Variants in ASTN2 observed in about 807,000 individuals in gnomAD.
ASTN2 encodes the protein astrotactin 2.
A neutral mutation model predicts 139.8 loss-of-function variants in ASTN2; 54 were observed. The ratio of observed to expected loss-of-function variants is 0.39; its 90% confidence interval spans 0.31 to 0.48. The LOEUF is 0.48. Ranked by LOEUF, ASTN2 falls within the 20% of genes least tolerant of loss-of-function variation. ASTN2 has a pLI of 0.95. For missense variants in ASTN2, 1,565 were observed against 1,725.1 expected (o/e 0.91, Z 1.64); for synonymous variants, 756 against 719.5 (o/e 1.05, Z -0.81).
chr9:117,305,315 T>C (rs904323717), intron 1 of ASTN2, among the ~76,000 whole-genome samples: 7 of 152,168 alleles, frequency 4.6e-5, no homozygotes, highest in African/African-American at 1.7e-4. Flanking sequence ...GAACTTTAAA[T>C]AGAATGTTCC....
At position 117,226,337 on chromosome 9, in the gene ASTN2, C is replaced by A. The variant is rs777679183; in HGVS notation, c.631-11595G>T. The stretch of plus-strand genomic sequence containing the variant: ...GATAGGCTACTAAATTTCTCTGATC[C>A]TCATCTTTCTCATCTTAATGAGACT... On this transcript the variant is annotated intron_variant, in intron 2 of 22. Coordinates refer to ENST00000313400, the MANE Select transcript of ASTN2 (RefSeq NM_001365068.1). 1.8e-4 allele frequency among the ~76,000 whole-genome samples: 28 copies of A among 152,250 alleles called. No individual in the cohort carries two copies. In the South Asian group the frequency reaches 2.7e-3, roughly 15 times the overall value.
intron 19 of ASTN2, among the ~76,000 whole-genome samples, chr9:116,511,430 T>C (rs967511523): frequency 1.3e-5 from 2 of 152,216 alleles, no homozygotes; most frequent in Non-Finnish European, 2.9e-5. Flanking sequence ...GATTTTTGCA[T>C]CGATGTTCAT....
intron 4 of ASTN2, among the ~76,000 whole-genome samples, chr9:117,116,929 T>C (rs1829410988): frequency 6.7e-6 from 1 of 150,190 alleles, no homozygotes; most frequent in Non-Finnish European, 1.5e-5. Flanking sequence ...AATGTCCTAT[T>C]ACTGATGTAT....
intron 10 of ASTN2, among the ~76,000 whole-genome samples, chr9:116,866,916 CAG>C (rs1833027362): frequency 7.2e-6 from 1 of 139,332 alleles, no homozygotes; most frequent in African/African-American, 2.7e-5. Flanking sequence ...AAAAAAAAGA[CAG>C]AGGGACCTGA....
intron 19 of ASTN2, among the ~76,000 whole-genome samples, chr9:116,513,457 G>A (rs1850494827): frequency 6.6e-6 from 1 of 151,972 alleles, no homozygotes; most frequent in Non-Finnish European, 1.5e-5. Flanking sequence ...TTCAACTTTG[G>A]TGAATCTGAT....
chr9:116,725,048 C>T (rs1434783463), intron 16 of ASTN2, among the ~76,000 whole-genome samples: 1 of 152,172 alleles, frequency 6.6e-6, no homozygotes, highest in Non-Finnish European at 1.5e-5. Flanking sequence ...GATATTCTAA[C>T]TTCCTCAAAA....
chr9:116,917,878 T>C (rs768861136), intron 10 of ASTN2, among the ~76,000 whole-genome samples: 37 of 152,334 alleles, frequency 2.4e-4, no homozygotes, highest in Admixed American at 5.2e-4. Context: ...ATGGTTTGGC[T>C]GTGTCACCAC....
intron 5 of ASTN2, among the ~76,000 whole-genome samples, chr9:117,056,728 T>C (rs1839075818): frequency 6.6e-6 from 1 of 152,184 alleles, no homozygotes; most frequent in Non-Finnish European, 1.5e-5. Context: ...CCCTGGAAGT[T>C]GGTGAAATGA....
chr9:116,763,794 G>C (rs1037580275), intron 13 of ASTN2, among the ~76,000 whole-genome samples: 1 of 152,208 alleles, frequency 6.6e-6, no homozygotes, highest in African/African-American at 2.4e-5. Context: ...TGGGTTAATA[G>C]TAGATACCCA....
rs116107337 is a variant in ASTN2, at chr9:116,848,514, C to T, written c.2040+15069G>A. Among the ~76,000 whole-genome samples the T allele has an allele frequency of 6.2e-3, 943 of 152,298 alleles. 8 individuals carry two copies. Among genetic ancestry groups the T allele is most frequent in the African/African-American group, 0.021 (883 of 41,560 alleles). On this transcript the variant is annotated intron_variant, in intron 11 of 22. Transcript: ENST00000313400. ...CACTTAACAGATGGAGAATCTGAAG[C>T]GCAGCACGAAGAGGTGTATTAACTT...
intron 10 of ASTN2, among the ~76,000 whole-genome samples, chr9:116,941,695 C>T (rs10983421): frequency 0.028 from 4,298 of 151,684 alleles, 201 homozygotes; most frequent in East Asian, 0.21. Flanking sequence ...TAAAATTAAC[C>T]ATCACACTCT....
rs1430373858 is a variant in ASTN2 at position 116,424,342 on chromosome 9, C to A, written c.*1509G>T. On this transcript the variant is annotated 3_prime_UTR_variant, in exon 23 of 23. Transcript: ENST00000313400. Reference sequence around the variant, plus strand: ...GGGCCTTCTCCAATCCATCCTTCACCCTGTAGTGAGAATGATTTTCTTAAA... The same window carrying A: ...GGGCCTTCTCCAATCCATCCTTCACACTGTAGTGAGAATGATTTTCTTAAA... 6.6e-6 allele frequency among the ~76,000 whole-genome samples: 1 copy of A among 152,138 alleles called. No individual in the cohort carries two copies. The highest frequency in any genetic ancestry group is 1.9e-4 in the East Asian group (1 of 5,190).
At chr9:116,763,369 G>T (rs13283406) in intron 13 of ASTN2, among the ~76,000 whole-genome samples, 22,344 of 152,086 alleles carry the variant, frequency 0.15, 2,066 homozygotes, top group Non-Finnish European at 0.21. Flanking sequence ...CTTTTTGGAA[G>T]TGAGTATCAC....
chr9:117,001,435 T>G (rs1257178470), intron 7 of ASTN2, among the ~76,000 whole-genome samples: 1 of 152,140 alleles, frequency 6.6e-6, no homozygotes, highest in Non-Finnish European at 1.5e-5. Flanking sequence ...CCAAAACAGG[T>G]GGACTCATCT....
intron 1 of ASTN2, among the ~76,000 whole-genome samples, chr9:117,399,812 A>G (rs1830774939): frequency 6.6e-6 from 1 of 152,202 alleles, no homozygotes; most frequent in Non-Finnish European, 1.5e-5. Context: ...AAATGGGAAT[A>G]AAATTCATCC....
chr9:117,286,846 C>A (rs1210119020), intron 2 of ASTN2, among the ~76,000 whole-genome samples: 1 of 152,230 alleles, frequency 6.6e-6, no homozygotes, highest in Admixed American at 6.5e-5. Context: ...CTATAGCTAA[C>A]ATTTTAATAA....
At chr9:116,577,364 A>G (rs1005751853) in intron 19 of ASTN2, among the ~76,000 whole-genome samples, 18 of 152,104 alleles carry the variant, frequency 1.2e-4, no homozygotes, top group African/African-American at 4.3e-4. Context: ...CCCCATCTCT[A>G]TAAAACAAAA....
chr9:116,626,083 G>T (rs2131844848), intron 17 of ASTN2, among the ~76,000 whole-genome samples: 1 of 147,576 alleles, frequency 6.8e-6, no homozygotes, highest in Non-Finnish European at 1.5e-5. Flanking sequence ...GGGTTCAAGA[G>T]ATTCTCCTGC....
chr9:117,014,840 G>A (rs1332107764), intron 6 of ASTN2, among the ~76,000 whole-genome samples: 1 of 152,102 alleles, frequency 6.6e-6, no homozygotes, highest in African/African-American at 2.4e-5. Context: ...CCATCTACAA[G>A]CCAAGGAGAG....
Sources: allele counts gnomAD v4.1 joint callset (sites outside exome capture counted in the v4.1 genomes callset), GRCh38; gene constraint gnomAD v4.1.1; transcripts MANE v1.5; gene names NCBI Gene and HGNC (gene_info 2026-07-23, HGNC 2026-07-21).